Variants in PASD1 observed in about 807,000 individuals in gnomAD.
PASD1 encodes the protein circadian clock protein PASD1.
Under a neutral mutation model 58.8 loss-of-function variants are expected in PASD1, and 13 were observed. The observed-to-expected ratio is 0.22, with a 90% CI of 0.14 to 0.35. The LOEUF (loss-of-function observed/expected upper bound fraction) is 0.35, where lower values mean the gene tolerates loss of function less well. Ranked by LOEUF, PASD1 falls within the 10% of genes least tolerant of loss-of-function variation. The probability of loss-of-function intolerance (pLI) is 1.00; values close to 1 mark genes in which losing one functional copy is unlikely to be tolerated. For missense variants in PASD1, 734 were observed against 568.3 expected (o/e 1.29, Z -2.96); for synonymous variants, 236 against 216.7 (o/e 1.09, Z -0.78).
intron 1 of PASD1, among the ~76,000 whole-genome samples, chrX:151,567,800 C>T (rs1318401760): frequency 8.9e-6 from 1 of 112,408 alleles, no homozygotes; most frequent in Non-Finnish European, 1.9e-5. Context: ...TGGCTCACTG[C>T]AACCTCTGCC....
intron 9 of PASD1, among the ~76,000 whole-genome samples, chrX:151,657,523 G>A (rs1017305849): frequency 9.0e-6 from 1 of 111,512 alleles, no homozygotes; most frequent in African/African-American, 3.3e-5. Flanking sequence ...ATTAATTATT[G>A]CCTCAATTTC....
At chrX:151,662,299 A>T (rs1454645959) in intron 10 of PASD1, among the ~76,000 whole-genome samples, 1 of 111,213 alleles carries the variant, frequency 9.0e-6, no homozygotes, top group Non-Finnish European at 1.9e-5. Flanking sequence ...CGTCATTAAA[A>T]AAAAATTGTT....
chrX:151,601,680 C>T (rs2013419306), intron 2 of PASD1, 99 bp downstream of exon 2: 2 of 860,324 alleles, frequency 2.3e-6, no homozygotes, highest in African/African-American at 2.0e-5. Flanking sequence ...TCAGGGAAGC[C>T]TGATTCACTC....
intron 10 of PASD1, among the ~76,000 whole-genome samples, chrX:151,663,291 G>A (rs1042158345): frequency 8.9e-6 from 1 of 112,012 alleles, no homozygotes; most frequent in South Asian, 3.7e-4. Flanking sequence ...TCATGTAAGA[G>A]GAATCATATG....
chrX:151,566,967 C>T (rs1043425125), intron 1 of PASD1, among the ~76,000 whole-genome samples: 1 of 108,795 alleles, frequency 9.2e-6, no homozygotes, highest in African/African-American at 3.3e-5. Context: ...ATTGCTTGAC[C>T]TGGGAGGTGG....
intron 5 of PASD1, among the ~76,000 whole-genome samples, 198 bp from the exon 6 acceptor site, chrX:151,621,284 A>G (rs1245815243): frequency 9.0e-6 from 1 of 111,551 alleles, no homozygotes; most frequent in Non-Finnish European, 1.9e-5. Context: ...ATGATGGACC[A>G]TTGTATATAG....
intron 11 of PASD1, among the ~76,000 whole-genome samples, chrX:151,666,373 T>A (rs1040468960): frequency 9.2e-6 from 1 of 108,853 alleles, no homozygotes; most frequent in Non-Finnish European, 1.9e-5. Flanking sequence ...CTCATCCACC[T>A]TTTTTTTTCT....
rs779496230 is a variant in PASD1 at position 151,572,834 on chromosome X, T to TA, written c.-28+8996dup. Among the ~76,000 whole-genome samples, 3 of 107,557 alleles carry TA rather than the reference T, an allele frequency of 2.8e-5. No homozygotes were observed. In the South Asian group the frequency reaches 1.3e-3, roughly 46 times the overall value. The allele number at this position is 107,557 out of a possible 115,157, so 93.4% of individuals were successfully genotyped here. ...CTGTATAAGTTCGTTCTTGCATTGCTACAAAGAAATGCCTGAGACTGGGTA... is the reference window on the plus strand; with the variant it reads ...CTGTATAAGTTCGTTCTTGCATTGCTAACAAAGAAATGCCTGAGACTGGGTA... On this transcript the variant is annotated intron_variant, in intron 1 of 15. Transcript: ENST00000370357.
At chrX:151,565,475 C>G (rs2012823095) in intron 1 of PASD1, among the ~76,000 whole-genome samples, 1 of 110,800 alleles carries the variant, frequency 9.0e-6, no homozygotes. Flanking sequence ...CAGCAAAGAA[C>G]AGGCGTGAGG....
In PASD1 at chrX:151,671,559, C is replaced by T. The variant is rs370104873; in HGVS notation, c.1231-14C>T. ...GACTGTGAATAAGACCTTTGTGATACTGTGTCCTTACAGAAGCAGCCAAAC... is the reference window on the plus strand; with the variant it reads ...GACTGTGAATAAGACCTTTGTGATATTGTGTCCTTACAGAAGCAGCCAAAC... On this transcript the variant is annotated splice_polypyrimidine_tract_variant and intron_variant, in intron 12 of 15. Coordinates refer to ENST00000370357, the MANE Select transcript of PASD1 (RefSeq NM_173493.3). 2.2e-5 allele frequency: 26 copies of T among 1,204,585 alleles called. No homozygotes were observed. Among genetic ancestry groups the T allele is most frequent in the Non-Finnish European group, 2.6e-5 (23 of 891,185 alleles).
intron 1 of PASD1, among the ~76,000 whole-genome samples, chrX:151,565,512 A>C (rs986407977): frequency 9.1e-6 from 1 of 109,473 alleles, no homozygotes; most frequent in Non-Finnish European, 1.9e-5. Flanking sequence ...TTTTCCCAGC[A>C]AGTCAGGAGC....
At chrX:151,594,194 C>CG (rs1244944097) in intron 1 of PASD1, among the ~76,000 whole-genome samples, 2 of 110,757 alleles carry the variant, frequency 1.8e-5, no homozygotes, top group African/African-American at 6.6e-5. Flanking sequence ...AGGATGGTCT[C>CG]GATCTCCTGA....
Position 151,676,109 on chromosome X carries a change from C to T in PASD1, c.2288C>T (p.Pro763Leu). The T allele has an allele frequency of 8.3e-7, 1 of 1,210,253 alleles. No homozygotes were observed. Among genetic ancestry groups the T allele is most frequent in the Non-Finnish European group, 1.1e-6 (1 of 894,979 alleles). ...MRSAEQTRLM[P>L]AEQRDSNKPC ...TCTGCGGAGCAGACCAGATTGATGCCTGCAGAGCAACGTGACTCAAATAAG... is the reference window on the plus strand; with the variant it reads ...TCTGCGGAGCAGACCAGATTGATGCTTGCAGAGCAACGTGACTCAAATAAG... The change falls in exon 16 of 16, where the codon CCT becomes CTT. Residue 763 changes from proline to leucine, a missense_variant. Coordinates refer to ENST00000370357, the MANE Select transcript of PASD1 (RefSeq NM_173493.3).
At chrX:151,589,095 A>C (rs988677077) in intron 1 of PASD1, among the ~76,000 whole-genome samples, 4 of 111,728 alleles carry the variant, frequency 3.6e-5, no homozygotes, top group African/African-American at 1.3e-4. Context: ...ACTCGGAGCA[A>C]GGACTGATCT....
At chrX:151,657,350 G>C (rs1235208369) in intron 9 of PASD1, among the ~76,000 whole-genome samples, 2 of 111,569 alleles carry the variant, frequency 1.8e-5, no homozygotes, top group African/African-American at 6.5e-5. Flanking sequence ...CCAGACTTTG[G>C]TATCAGGATG....
chrX:151,585,096 G>T (rs748182307), intron 1 of PASD1, among the ~76,000 whole-genome samples: 1 of 111,889 alleles, frequency 8.9e-6, no homozygotes, highest in African/African-American at 3.2e-5. Context: ...ACATTCTAGT[G>T]GAAGAATAAG....
At chrX:151,582,252 G>T (rs762774174) in intron 1 of PASD1, among the ~76,000 whole-genome samples, 1 of 110,641 alleles carries the variant, frequency 9.0e-6, no homozygotes, top group South Asian at 3.9e-4. Flanking sequence ...CAAAGTGCTG[G>T]GATTACAGGC....
intron 4 of PASD1, among the ~76,000 whole-genome samples, chrX:151,620,691 G>A (rs1185087100): frequency 1.8e-5 from 2 of 110,536 alleles, no homozygotes; most frequent in African/African-American, 6.6e-5. Context: ...ATTTTCCCAG[G>A]CAAATATGGT....
chrX:151,598,278 A>G (rs2013348192), intron 1 of PASD1, among the ~76,000 whole-genome samples: 2 of 111,546 alleles, frequency 1.8e-5, no homozygotes, highest in African/African-American at 6.5e-5. Flanking sequence ...ATTGATTTCT[A>G]ATTTAATTGT....
Sources: allele counts gnomAD v4.1 joint callset (sites outside exome capture counted in the v4.1 genomes callset), GRCh38; gene constraint gnomAD v4.1.1; transcripts MANE v1.5; gene names NCBI Gene and HGNC (gene_info 2026-07-23, HGNC 2026-07-21).